TINAG: variants seen among roughly 807,000 people sequenced by gnomAD.
TINAG encodes the protein tubulointerstitial nephritis antigen.
A neutral mutation model predicts 72.7 loss-of-function variants in TINAG; 83 were observed. That is an observed-to-expected ratio of 1.14 (90% CI 0.96 to 1.37). The LOEUF is 1.37. Ranked by LOEUF, TINAG falls within the 40% of genes most tolerant of loss-of-function variation. The pLI, the probability that TINAG is intolerant of heterozygous loss-of-function variation, is 0.00. For synonymous variants in TINAG, 234 were observed against 189.9 expected (o/e 1.23, Z -1.91); for missense variants, 685 against 576.6 (o/e 1.19, Z -1.93).
chr6:54,368,505 G>A (rs1192518985), intron 9 of TINAG, among the ~76,000 whole-genome samples: 1 of 150,570 alleles, frequency 6.6e-6, no homozygotes, highest in Non-Finnish European at 1.5e-5. Flanking sequence ...CTTCAATATT[G>A]CATAATTAAT....
At chr6:54,311,003 T>C (rs1174334327) in intron 1 of TINAG, among the ~76,000 whole-genome samples, 2 of 151,562 alleles carry the variant, frequency 1.3e-5, no homozygotes, top group Non-Finnish European at 2.9e-5. Context: ...CTTTCCTTTC[T>C]ATTCCTTTCC....
chr6:54,328,234 G>A (rs928598599), intron 4 of TINAG, among the ~76,000 whole-genome samples: 3 of 152,020 alleles, frequency 2.0e-5, no homozygotes, highest in Admixed American at 6.5e-5. Flanking sequence ...GCTGGCATCC[G>A]GTGGGTGCTG....
rs775995344 is a variant in TINAG, at chr6:54,389,861, A to G, written c.1367A>G (p.Glu456Gly). 8 of 1,610,978 alleles carry G rather than the reference A, an allele frequency of 5.0e-6. No individual in the cohort carries two copies. The South Asian group carries it at 6.6e-5, about 13-fold the overall frequency. ...GYFRILRGVN[E>G]SDIEKLIIAA... ...TTCAGGATTCTTCGAGGAGTAAATG[A>G]GTCCGACATTGAAAAGTTGATTATC... Residue 456 changes from glutamate to glycine, a missense_variant, in exon 11 of 11, where the codon GAG (glutamate) becomes GGG (glycine). Transcript: ENST00000259782.
At chr6:54,324,636 T>G (rs3822895) in intron 3 of TINAG, among the ~76,000 whole-genome samples, 5,699 of 152,288 alleles carry the variant, frequency 0.037, 182 homozygotes, top group East Asian at 0.11. Context: ...CTGCAGTGAT[T>G]AACTTCTACC....
intron 9 of TINAG, among the ~76,000 whole-genome samples, chr6:54,366,112 T>C (rs374652146): frequency 6.6e-6 from 1 of 151,664 alleles, no homozygotes; most frequent in Non-Finnish European, 1.5e-5. Context: ...CCCTCATACT[T>C]TTAAAATCCT....
At chr6:54,320,780 G>A in intron 2 of TINAG, 138 bp downstream of exon 2, 1 of 585,864 alleles carries the variant, frequency 1.7e-6, no homozygotes, top group Non-Finnish European at 2.8e-6. Context: ...TCATGTACCT[G>A]TAACTTTGTA....
intron 6 of TINAG, among the ~76,000 whole-genome samples, chr6:54,349,410 A>C (rs1038844020): frequency 6.6e-6 from 1 of 152,014 alleles, no homozygotes; most frequent in African/African-American, 2.4e-5. Context: ...TCCCCTATTA[A>C]TATTACCACA....
At chr6:54,371,343 A>C (rs56800069) in intron 9 of TINAG, among the ~76,000 whole-genome samples, 2,158 of 152,090 alleles carry the variant, frequency 0.014, 56 homozygotes, top group African/African-American at 0.049. Context: ...TGGGATAATA[A>C]GTTTCCCTCT....
At chr6:54,317,053 A>G (rs183335794) in intron 1 of TINAG, among the ~76,000 whole-genome samples, 1 of 152,224 alleles carries the variant, frequency 6.6e-6, no homozygotes, top group East Asian at 1.9e-4. Context: ...GAGGAGCTCC[A>G]GACATATTTT....
At chr6:54,329,017 CAG>C (rs1272227339) in intron 4 of TINAG, among the ~76,000 whole-genome samples, 1 of 151,996 alleles carries the variant, frequency 6.6e-6, no homozygotes, top group African/African-American at 2.4e-5. Flanking sequence ...CTGAAGGTGA[CAG>C]GGCGAATAGA....
intron 4 of TINAG, 122 bp from the exon 5 acceptor site, chr6:54,343,104 C>A: frequency 1.1e-6 from 1 of 879,870 alleles, no homozygotes; most frequent in Non-Finnish European, 1.5e-6. Flanking sequence ...TGTAGTTCAT[C>A]TGGAAACTTG....
rs556779514 is a variant in TINAG, at chr6:54,322,073, G to A, written c.509+687G>A. Among the ~76,000 whole-genome samples the A allele has an allele frequency of 3.3e-5, 5 of 152,188 alleles. No individual in the cohort carries two copies. The South Asian group carries it at 1.0e-3, about 32-fold the overall frequency. On this transcript the variant is annotated intron_variant, in intron 3 of 10. Transcript: ENST00000259782. ...TCCCAGCACTTTGGGAGGCCAAGGT[G>A]GGTGGGTGGATCACTTGAGGCCAGG...
In TINAG at chr6:54,332,339, A is replaced by T. The variant is rs150472519; in HGVS notation, c.624+5423A>T. Among the ~76,000 whole-genome samples, 135 of 152,314 alleles carry T rather than the reference A, an allele frequency of 8.9e-4. 3 individuals are homozygous for T. The highest frequency in any genetic ancestry group is 3.1e-3 in the African/African-American group (127 of 41,582). On this transcript the variant is annotated intron_variant, in intron 4 of 10. Coordinates refer to ENST00000259782, the MANE Select transcript of TINAG (RefSeq NM_014464.4). Reference sequence around the variant, plus strand: ...CACATTTACAACCATCTGATCTTTGACAAACCTGACAAAAACAAACAATAG... The same window carrying T: ...CACATTTACAACCATCTGATCTTTGTCAAACCTGACAAAAACAAACAATAG...
intron 10 of TINAG, among the ~76,000 whole-genome samples, chr6:54,388,401 C>T (rs956361703): frequency 6.6e-6 from 1 of 152,014 alleles, no homozygotes; most frequent in East Asian, 1.9e-4. Context: ...AGGCAAACAG[C>T]CAAATCTTAA....
chr6:54,360,839 G>GTTTTTTTTTTTTTTTTTT (rs773926586), intron 9 of TINAG, among the ~76,000 whole-genome samples: 5 of 16,956 alleles, frequency 2.9e-4, no homozygotes, highest in East Asian at 2.3e-3. Context: ...CACAGATACT[G>GTTTTTTTTTTTTTTTTTT]TGTTTTTTTT....
rs185402162 is a variant in TINAG at position 54,308,781 on chromosome 6, G to A, written c.231G>A (p.Ala77=). The change falls in exon 1 of 11, where the codon GCG becomes GCA. Residue 77 remains alanine, a synonymous_variant. Coordinates refer to ENST00000259782, the MANE Select transcript of TINAG (RefSeq NM_014464.4). ...GCTGTGTCACTGAGTTCTATGCGGC[G>A]AATGCGTTGTGCTACTGTGATAAAT... is the stretch of plus-strand genomic sequence containing the variant. ...DDGCVTEFYA[A]NALCYCDKFC... 233 of 1,613,832 alleles carry A rather than the reference G, an allele frequency of 1.4e-4. 2 individuals are homozygous for A. In the Admixed American group the frequency reaches 3.3e-3, roughly 23 times the overall value.
At chr6:54,311,243 G>T (rs1784249965) in intron 1 of TINAG, among the ~76,000 whole-genome samples, 1 of 152,076 alleles carries the variant, frequency 6.6e-6, no homozygotes, top group Non-Finnish European at 1.5e-5. Flanking sequence ...CTAGTCTGTG[G>T]CTTCTGACTG....
At chr6:54,329,312 C>A (rs1398657511) in intron 4 of TINAG, among the ~76,000 whole-genome samples, 1 of 151,990 alleles carries the variant, frequency 6.6e-6, no homozygotes, top group Admixed American at 6.6e-5. Flanking sequence ...AGAGTGGGGG[C>A]CAATATTCAA....
At position 54,380,564 on chromosome 6, in the gene TINAG, A is replaced by G; in HGVS notation, c.1289A>G (p.Lys430Arg). 6.2e-7 allele frequency: 1 copy of G among 1,610,322 alleles called. No individual in the cohort carries two copies. Among genetic ancestry groups the G allele is most frequent in the Non-Finnish European group, 8.5e-7 (1 of 1,177,718 alleles). Residue 430 changes from lysine (K) to arginine (R), a missense_variant, in exon 10 of 11, where the codon AAA (lysine) becomes AGA (arginine). By Grantham distance (26) the Lys-to-Arg change is conservative. Transcript: ENST00000259782. Reference protein sequence around the residue: ...TLRGAQGQKEKFWIAANSWGK... With the variant: ...TLRGAQGQKERFWIAANSWGK... The stretch of plus-strand genomic sequence containing the variant: ...AGAGGAGCACAAGGGCAGAAAGAAA[A>G]ATTTTGGGTATGTAACTCTTTCCAG...
Sources: allele counts gnomAD v4.1 joint callset (sites outside exome capture counted in the v4.1 genomes callset), GRCh38; gene constraint gnomAD v4.1.1; transcripts MANE v1.5; gene names NCBI Gene and HGNC (gene_info 2026-07-23, HGNC 2026-07-21).